Variants in MYH7B observed in about 807,000 individuals in gnomAD.
The protein encoded by MYH7B is myosin heavy chain 7B.
A neutral mutation model predicts 234.5 loss-of-function variants in MYH7B; 205 were observed. That is an observed-to-expected ratio of 0.87 (90% CI 0.78 to 0.98). The LOEUF (loss-of-function observed/expected upper bound fraction) is 0.98, where lower values mean the gene tolerates loss of function less well. Ranked by LOEUF, MYH7B falls within the 50% of genes least tolerant of loss-of-function variation. MYH7B has a pLI of 0.00. For missense variants in MYH7B, 2,652 were observed against 2,633.4 expected, an observed-to-expected ratio of 1.01 and a Z score of -0.15; for synonymous variants, 1,193 against 1,105.0, an observed-to-expected ratio of 1.08 and a Z score of -1.58.
chr20:35,002,437 A>G, exon 45 of MYH7B: 1 of 400,702 alleles, frequency 2.5e-6, no homozygotes. Flanking sequence ...AATAGTCTCC[A>G]TTTAATTGGT....
chr20:34,990,824 A>C (rs901689254), exon 23 of MYH7B: 4 of 1,614,050 alleles, frequency 2.5e-6, no homozygotes, highest in Non-Finnish European at 3.4e-6. Context: ...ACAAAACCCC[A>C]GGTAGTCACC....
intron 2 of MYH7B, among the ~76,000 whole-genome samples, chr20:34,967,540 T>C (rs1435965669): frequency 1.3e-5 from 2 of 151,858 alleles, no homozygotes; most frequent in African/African-American, 4.8e-5. Flanking sequence ...ATCACAAGGG[T>C]AGAGCAGAGC....
chr20:34,961,103 G>C (rs973536036), intron 2 of MYH7B, among the ~76,000 whole-genome samples: 5 of 152,098 alleles, frequency 3.3e-5, no homozygotes, highest in Non-Finnish European at 7.4e-5. Context: ...TTCCCAGTCC[G>C]GCTCTCATTT....
intron 3 of MYH7B, among the ~76,000 whole-genome samples, chr20:34,977,216 C>T (rs557167541): frequency 6.6e-6 from 1 of 152,132 alleles, no homozygotes; most frequent in East Asian, 1.9e-4. Context: ...GCTTTCCTTT[C>T]TCTGGGCCTC....
At chr20:35,000,510 G>C (rs779410657) in exon 39 of MYH7B, 2 of 1,597,056 alleles carry the variant, frequency 1.3e-6, no homozygotes, top group East Asian at 2.2e-5. Context: ...GCGGGACGAG[G>C]AGCAGCGGCT....
exon 35 of MYH7B, chr20:34,998,811 T>C (rs1465943866): frequency 6.2e-7 from 1 of 1,612,882 alleles, no homozygotes; most frequent in South Asian, 1.1e-5. Flanking sequence ...AGGCCCAGGC[T>C]GAGCTGCAGC....
chr20:34,990,048 A>G (rs375436848), exon 21 of MYH7B: 27 of 1,613,998 alleles, frequency 1.7e-5, no homozygotes, highest in East Asian at 2.2e-5. Context: ...CTGGAGAAAA[A>G]CAAGGATCCC....
rs902541860 is a variant in MYH7B at position 34,989,726 on chromosome 20, C to T, written c.1588-14C>T. 9 of 1,611,242 alleles carry T rather than the reference C, an allele frequency of 5.6e-6. No homozygotes were observed. The highest frequency in any genetic ancestry group is 4.5e-5 in the East Asian group (2 of 44,882). Reference sequence around the variant, plus strand: ...TGGCTTGATGGTGGCTTTTCAAGCTCGTTCTGTTCCCAGCCACTGGGCATC... The same window carrying T: ...TGGCTTGATGGTGGCTTTTCAAGCTTGTTCTGTTCCCAGCCACTGGGCATC... On this transcript the variant is annotated splice_polypyrimidine_tract_variant and intron_variant, in intron 19 of 44. Coordinates refer to ENST00000262873, the Ensembl canonical transcript of MYH7B.
chr20:34,964,108 G>A (rs1307502400), intron 2 of MYH7B, among the ~76,000 whole-genome samples: 3 of 152,030 alleles, frequency 2.0e-5, no homozygotes, highest in African/African-American at 7.2e-5. Context: ...GTTGAAGGTC[G>A]TGAGCATATT....
rs531223823 is a variant in MYH7B, at chr20:34,968,243, C to G, written c.-221-7157C>G. Among the ~76,000 whole-genome samples, 36 of 152,318 alleles carry G rather than the reference C, an allele frequency of 2.4e-4. No homozygotes were observed. The South Asian group carries it at 6.8e-3, about 29-fold the overall frequency. ...AGTCCTGACATGTGGCAGGCCTGAA[C>G]GAGTCCCTGCAGATGCAAAGCTGAA... On this transcript the variant is annotated intron_variant, in intron 2 of 44. Coordinates refer to ENST00000262873, the Ensembl canonical transcript of MYH7B.
Position 34,999,122 on chromosome 20 carries a change from A to G in MYH7B, c.4257A>G (p.Ser1419=), listed in dbSNP as rs1248345807. ...TGGAGGCTGCCAACGCCAAGTGCTCATCGTTGGAGAAGGCCAAGCTGCGGC... is the reference window on the plus strand; with the variant it reads ...TGGAGGCTGCCAACGCCAAGTGCTCGTCGTTGGAGAAGGCCAAGCTGCGGC... The change falls in exon 36 of 45, where the codon TCA becomes TCG. Residue 1419 remains serine (S), a synonymous_variant. Coordinates refer to ENST00000262873, the Ensembl canonical transcript of MYH7B. 3.1e-6 allele frequency: 5 copies of G among 1,613,502 alleles called. No individual in the cohort carries two copies. The Admixed American group carries it at 8.3e-5, about 27-fold the overall frequency.
chr20:34,959,415 G>T (rs190780925), intron 2 of MYH7B, among the ~76,000 whole-genome samples: 1 of 152,136 alleles, frequency 6.6e-6, no homozygotes, highest in African/African-American at 2.4e-5. Flanking sequence ...TTTGAATCCT[G>T]ACTGTGCAGA....
At chr20:35,000,815 C>G (rs1241266713) in exon 40 of MYH7B, 1 of 1,613,690 alleles carries the variant, frequency 6.2e-7, no homozygotes, top group East Asian at 2.2e-5. Context: ...CGGACTTGGC[C>G]CAGCTGAGCG....
chr20:34,990,638 C>A, intron 22 of MYH7B, 100 bp from the exon 23 acceptor site: 1 of 1,075,146 alleles, frequency 9.3e-7, no homozygotes. Context: ...AAGTGCAGGG[C>A]ACTTAGGGCC....
chr20:35,002,426 T>A (rs995444659), exon 45 of MYH7B: 2 of 414,608 alleles, frequency 4.8e-6, no homozygotes, highest in Non-Finnish European at 8.4e-6. Flanking sequence ...TAAAGTTATT[T>A]AATAGTCTCC....
chr20:34,963,892 G>C (rs568078338), intron 2 of MYH7B, among the ~76,000 whole-genome samples: 40 of 152,170 alleles, frequency 2.6e-4, no homozygotes, highest in Admixed American at 2.6e-3. Flanking sequence ...TTCTCTTTCA[G>C]TGTTATATCA....
intron 13 of MYH7B, 117 bp from the exon 14 acceptor site, chr20:34,985,983 T>G (rs1600435263): frequency 1.2e-6 from 1 of 809,480 alleles, no homozygotes; most frequent in Admixed American, 2.1e-5. Flanking sequence ...AGCTGGCAGG[T>G]GCAGATGCAG....
chr20:34,984,618 C>A (rs1295540280), intron 10 of MYH7B, 74 bp from the exon 11 acceptor site: 2 of 1,418,784 alleles, frequency 1.4e-6, no homozygotes, highest in African/African-American at 2.9e-5. Context: ...CTGCCTCCCG[C>A]TGATACCCTG....
At chr20:34,989,214 G>A (rs910936630) in intron 19 of MYH7B, among the ~76,000 whole-genome samples, 1 of 152,242 alleles carries the variant, frequency 6.6e-6, no homozygotes, top group Non-Finnish European at 1.5e-5. Context: ...TGCAGTGGAT[G>A]AGTTTCATAC....
Sources: allele counts gnomAD v4.1 joint callset (sites outside exome capture counted in the v4.1 genomes callset), GRCh38; gene constraint gnomAD v4.1.1; transcripts MANE v1.5; gene names NCBI Gene and HGNC (gene_info 2026-07-23, HGNC 2026-07-21).